The following ATXN7 variants were observed in gnomAD, a reference collection of about 807,000 sequenced individuals.
The protein encoded by ATXN7 is ataxin-7.
ATXN7 carries 12 observed loss-of-function variants against 70.5 expected under a neutral mutation model. That is an observed-to-expected ratio of 0.17 (90% CI 0.11 to 0.28). The LOEUF is 0.28. ATXN7 is among the 10% of genes least tolerant of loss of function. The pLI, the probability that ATXN7 is intolerant of heterozygous loss-of-function variation, is 1.00. For synonymous variants in ATXN7, 498 were observed against 448.7 expected, an observed-to-expected ratio of 1.11 and a Z score of -1.39; for missense variants, 1,256 against 1,131.7, an observed-to-expected ratio of 1.11 and a Z score of -1.58.
intron 11 of ATXN7, among the ~76,000 whole-genome samples, chr3:63,994,802 T>G (rs544255087): frequency 6.6e-6 from 1 of 152,326 alleles, no homozygotes; most frequent in African/African-American, 2.4e-5. Context: ...ACTGTCACAT[T>G]TAAGATTCAG....
At position 63,919,068 on chromosome 3, in the gene ATXN7, C is replaced by A. The variant is rs541913975; in HGVS notation, c.394+5843C>A. 2.0e-5 allele frequency among the ~76,000 whole-genome samples: 3 copies of A among 152,262 alleles called. No homozygotes were observed. The East Asian group carries it at 5.8e-4, about 29-fold the overall frequency. On this transcript the variant is annotated intron_variant, in intron 4 of 12. Coordinates refer to ENST00000674280, the MANE Select transcript of ATXN7 (RefSeq NM_001377405.1). Reference sequence around the variant, plus strand: ...CCCTCCTGTAGCAGGGACTTTTCCCCAGTTGCAGCGTGTGGGCCAAATCTT... The same window carrying A: ...CCCTCCTGTAGCAGGGACTTTTCCCAAGTTGCAGCGTGTGGGCCAAATCTT...
chr3:63,931,276 G>C (rs1417917199), intron 4 of ATXN7, among the ~76,000 whole-genome samples: 1 of 152,088 alleles, frequency 6.6e-6, no homozygotes, highest in East Asian at 1.9e-4. Flanking sequence ...TTCTAGTGCT[G>C]ATCTTCTTGC....
chr3:63,970,220 A>G (rs1415314284), intron 5 of ATXN7, among the ~76,000 whole-genome samples: 1 of 152,222 alleles, frequency 6.6e-6, no homozygotes, highest in Non-Finnish European at 1.5e-5. Flanking sequence ...AAGCAACAGC[A>G]TCCTTTTCCC....
intron 4 of ATXN7, among the ~76,000 whole-genome samples, chr3:63,938,319 A>G (rs537828086): frequency 6.6e-6 from 1 of 152,338 alleles, no homozygotes; most frequent in Admixed American, 6.5e-5. Flanking sequence ...AAGCAGATGA[A>G]CTAACGATCA....
At chr3:63,970,212 G>C (rs892751395) in intron 5 of ATXN7, among the ~76,000 whole-genome samples, 1 of 152,182 alleles carries the variant, frequency 6.6e-6, no homozygotes, top group African/African-American at 2.4e-5. Context: ...ACACTCAAAA[G>C]CAACAGCATC....
chr3:63,971,891 A>G lies in ATXN7; in HGVS notation c.500-8024A>G, dbSNP rs140848168. ...TTAGGGAAAACACTAGTCTGGAGCAAAGTAGATGTGTAAGAAAAAAGTGCT... is the reference window on the plus strand; with the variant it reads ...TTAGGGAAAACACTAGTCTGGAGCAGAGTAGATGTGTAAGAAAAAAGTGCT... On this transcript the variant is annotated intron_variant, in intron 5 of 12. Coordinates refer to ENST00000674280, the MANE Select transcript of ATXN7 (RefSeq NM_001377405.1). 3.4e-3 allele frequency among the ~76,000 whole-genome samples: 525 copies of G among 152,330 alleles called. 2 individuals carry two copies. The highest frequency in any genetic ancestry group is 6.8e-3 in the Middle Eastern group (2 of 294).
intron 1 of ATXN7, among the ~76,000 whole-genome samples, chr3:63,874,430 G>C (rs955599783): frequency 6.6e-6 from 1 of 152,238 alleles, no homozygotes; most frequent in African/African-American, 2.4e-5. Context: ...TTGTAAGTAT[G>C]AGTTAAACCA....
chr3:63,913,070 C>T, intron 3 of ATXN7, 87 bp from the exon 4 acceptor site: 2 of 1,517,334 alleles, frequency 1.3e-6, no homozygotes, highest in Non-Finnish European at 1.8e-6. Context: ...GAGGTGCCCA[C>T]ACCTACCCCG....
At chr3:63,894,330 A>G (rs1325344328) in intron 1 of ATXN7, among the ~76,000 whole-genome samples, 1 of 152,144 alleles carries the variant, frequency 6.6e-6, no homozygotes, top group African/African-American at 2.4e-5. Flanking sequence ...ATTAACAACA[A>G]AGTCATATTG....
Position 63,988,197 on chromosome 3 carries a change from A to C in ATXN7, c.1234A>C (p.Arg412=). The change falls in exon 9 of 13, where the codon AGG becomes CGG. Residue 412 remains arginine (R), a synonymous_variant. Transcript: ENST00000674280. ...PDSQQPPQPL[R]DPHPAPPRTS... ...CTCTCAGCAACCACCGCAGCCTCTC[A>C]GGGACCCGCATCCCGCCCCTCCTAG... 1 of 1,614,088 alleles carries C rather than the reference A, an allele frequency of 6.2e-7. No homozygotes were observed. The highest frequency in any genetic ancestry group is 8.5e-7 in the Non-Finnish European group (1 of 1,179,984).
At chr3:63,943,480 A>C (rs1367271090) in intron 4 of ATXN7, among the ~76,000 whole-genome samples, 1 of 152,208 alleles carries the variant, frequency 6.6e-6, no homozygotes, top group Non-Finnish European at 1.5e-5. Context: ...AAAGGACGAC[A>C]GTGGAGAAGA....
At chr3:63,899,685 C>T (rs983847814) in intron 2 of ATXN7, among the ~76,000 whole-genome samples, 5 of 152,052 alleles carry the variant, frequency 3.3e-5, no homozygotes, top group African/African-American at 1.2e-4. Context: ...GCCATCTCGG[C>T]TCACTGCAAG....
Position 63,913,420 on chromosome 3 carries a change from C to A in ATXN7, c.394+195C>A, listed in dbSNP as rs1704139597. On this transcript the variant is annotated intron_variant, in intron 4 of 12. Coordinates refer to ENST00000674280, the MANE Select transcript of ATXN7 (RefSeq NM_001377405.1). Reference sequence around the variant, plus strand: ...TGGGGGCCTCCTGTAATGAGAGCGTCCGGAATCCTTCTGTGACCAGGCAGG... The same window carrying A: ...TGGGGGCCTCCTGTAATGAGAGCGTACGGAATCCTTCTGTGACCAGGCAGG... 3.9e-5 allele frequency among the ~76,000 whole-genome samples: 6 copies of A among 152,226 alleles called. No homozygotes were observed. In the South Asian group the frequency reaches 1.2e-3, roughly 32 times the overall value.
chr3:63,914,232 A>G (rs1704172998), intron 4 of ATXN7, among the ~76,000 whole-genome samples: 1 of 152,200 alleles, frequency 6.6e-6, no homozygotes, highest in Middle Eastern at 3.2e-3. Flanking sequence ...AAGTTTGCCC[A>G]TTGTTACTGT....
intron 5 of ATXN7, among the ~76,000 whole-genome samples, chr3:63,962,077 T>C (rs1290627636): frequency 6.6e-6 from 1 of 152,146 alleles, no homozygotes; most frequent in African/African-American, 2.4e-5. Context: ...CTCTGATGTA[T>C]GTACTAGTCC....
At chr3:63,969,464 A>G (rs916856191) in intron 5 of ATXN7, among the ~76,000 whole-genome samples, 1 of 152,206 alleles carries the variant, frequency 6.6e-6, no homozygotes, top group Non-Finnish European at 1.5e-5. Context: ...CTACACAGAA[A>G]TTTCTATTTT....
At chr3:63,913,278 G>T in intron 4 of ATXN7, 53 bp downstream of exon 4, 1 of 1,548,330 alleles carries the variant, frequency 6.5e-7, no homozygotes, top group South Asian at 1.1e-5. Flanking sequence ...AAGTTTCATT[G>T]ACAGTTCACT....
At chr3:63,912,525 T>C in intron 2 of ATXN7, 63 bp from the exon 3 acceptor site, 1 of 1,039,994 alleles carries the variant, frequency 9.6e-7, no homozygotes, top group Non-Finnish European at 1.2e-6. Context: ...CGGAACTCCC[T>C]GGCGCCTCCT....
intron 8 of ATXN7, among the ~76,000 whole-genome samples, chr3:63,985,946 A>AT (rs926076148): frequency 2.6e-5 from 4 of 152,240 alleles, no homozygotes; most frequent in African/African-American, 9.6e-5. Flanking sequence ...AATCACCAAA[A>AT]TAACTGTAAA....
Sources: gnomAD v4.1 joint callset for allele counts (sites outside exome capture counted in the v4.1 genomes callset) on GRCh38, gnomAD v4.1.1 for gene constraint, MANE v1.5 for transcripts, NCBI Gene and HGNC (gene_info 2026-07-23, HGNC 2026-07-21) for gene names.